Variants in PLEKHM2 observed in about 807,000 individuals in gnomAD.
PLEKHM2 encodes the protein pleckstrin homology and RUN domain containing M2, also known as pleckstrin homology domain-containing family M member 2.
A neutral mutation model predicts 116.3 loss-of-function variants in PLEKHM2; 77 were observed. The ratio of observed to expected loss-of-function variants is 0.66; its 90% CI spans 0.55 to 0.80. The LOEUF (loss-of-function observed/expected upper bound fraction) is 0.80. PLEKHM2 is among the 30% of genes least tolerant of loss of function. The pLI, the probability that PLEKHM2 is intolerant of heterozygous loss-of-function variation, is 0.00. For synonymous variants in PLEKHM2, 562 were observed against 571.0 expected (o/e 0.98, Z 0.22); for missense variants, 1,183 against 1,354.9 (o/e 0.87, Z 1.99).
At position 15,727,536 on chromosome 1, in the gene PLEKHM2, C is replaced by T. The variant is rs1353540879; in HGVS notation, c.1464C>T (p.Gly488=). 1.9e-6 allele frequency: 3 copies of T among 1,575,748 alleles called. No homozygotes were observed. Among genetic ancestry groups the T allele is most frequent in the South Asian group, 1.2e-5 (1 of 86,444 alleles). Residue 488 remains glycine (G), a synonymous_variant, in exon 9 of 20, where the codon GGC becomes GGT. Coordinates refer to ENST00000375799, the MANE Select transcript of PLEKHM2 (RefSeq NM_015164.4). This position sits in a 1 kb window ranked among gnomAD's most constrained non-coding sequence, Gnocchi z 7.5. ...GGGHHDPAGL[G]QPLHVPSSPE... The stretch of plus-strand genomic sequence containing the variant: ...GCCACCATGACCCTGCAGGGCTTGG[C>T]CAACCGCTGCATGTTCCTAGTAGCC...
chr1:15,686,562 C>A (rs1640773099), intron 1 of PLEKHM2, among the ~76,000 whole-genome samples: 1 of 151,504 alleles, frequency 6.6e-6, no homozygotes, highest in South Asian at 2.1e-4. Context: ...CTCACTACAA[C>A]CTCCACCTCC....
chr1:15,700,650 G>C (rs933444238), intron 1 of PLEKHM2, among the ~76,000 whole-genome samples: 2 of 152,124 alleles, frequency 1.3e-5, no homozygotes, highest in Non-Finnish European at 2.9e-5. Context: ...TGAATGGGAG[G>C]CCCCAGGAAA....
intron 1 of PLEKHM2, among the ~76,000 whole-genome samples, chr1:15,693,669 TCTCC>T (rs1195785285): frequency 6.6e-6 from 1 of 152,142 alleles, no homozygotes; most frequent in Non-Finnish European, 1.5e-5. Context: ...GGAGCAGTGG[TCTCC>T]CTCAGAACTC....
rs758411239 is a variant in PLEKHM2, at chr1:15,732,072, C to T, written c.2625+24C>T. Reference sequence around the variant, plus strand: ...GGGTGAGCTTCGCCTGCCCCTACCGCTCACCTGGCTTGCCTGACCCACCCA... The same window carrying T: ...GGGTGAGCTTCGCCTGCCCCTACCGTTCACCTGGCTTGCCTGACCCACCCA... On this transcript the variant is annotated intron_variant, in intron 17 of 19. Transcript: ENST00000375799. The T allele has an allele frequency of 6.2e-6, 10 of 1,602,434 alleles. No individual in the cohort carries two copies. The East Asian group carries it at 2.0e-4, about 32-fold the overall frequency.
In PLEKHM2 at chr1:15,719,841, T is replaced by A. The variant is rs776569619; in HGVS notation, c.573T>A (p.Ser191Arg). ...CCAGCTCGGTCCACGGCTCAGACAG[T>A]CTGTCCCTCAACTCTTTCAACTCCG... ...RLPSSVHGSD[S>R]LSLNSFNSVT... The change falls in exon 6 of 20, where the codon AGT becomes AGA. Residue 191 changes from serine to arginine, a missense_variant. Ser to Arg is a moderately radical substitution (Grantham distance 110). Coordinates refer to ENST00000375799, the MANE Select transcript of PLEKHM2 (RefSeq NM_015164.4). The surrounding 1 kb of genome is among the most constrained non-coding windows in gnomAD (Gnocchi z 4.1). The A allele has an allele frequency of 1.2e-6, 2 of 1,613,886 alleles. No individual in the cohort carries two copies. The highest frequency in any genetic ancestry group is 3.3e-5 in the Admixed American group (2 of 60,002).
chr1:15,718,180 T>A (rs187603649), intron 4 of PLEKHM2, among the ~76,000 whole-genome samples, 188 bp downstream of exon 4: 12 of 152,348 alleles, frequency 7.9e-5, no homozygotes, highest in African/African-American at 2.9e-4. Flanking sequence ...CTGGGTACAG[T>A]CTGGGTCTCT....
In PLEKHM2 at chr1:15,728,394, C is replaced by G. The variant is rs757798884; in HGVS notation, c.1921+37C>G. 1 of 1,559,362 alleles carries G rather than the reference C, an allele frequency of 6.4e-7. No homozygotes were observed. The highest frequency in any genetic ancestry group is 1.7e-5 in the Admixed American group (1 of 58,958). ...CCCCGGGCAGACAGCGGGTTGTAGACGAGGCTGACTCTCAGCCCCTTTTCC... is the reference window on the plus strand; with the variant it reads ...CCCCGGGCAGACAGCGGGTTGTAGAGGAGGCTGACTCTCAGCCCCTTTTCC... On this transcript the variant is annotated intron_variant, in intron 11 of 19. Coordinates refer to ENST00000375799, the MANE Select transcript of PLEKHM2 (RefSeq NM_015164.4). The surrounding 1 kb of genome is among the most constrained non-coding windows in gnomAD (Gnocchi z 5.9).
intron 1 of PLEKHM2, among the ~76,000 whole-genome samples, chr1:15,706,908 C>G (rs1328726116): frequency 6.6e-6 from 1 of 152,138 alleles, no homozygotes; most frequent in Admixed American, 6.6e-5. Context: ...ACGGCTTGAG[C>G]CTTCCCTTCT....
chr1:15,720,837 G>A (rs1022292026), intron 6 of PLEKHM2: 1 of 152,812 alleles, frequency 6.5e-6, no homozygotes, highest in Non-Finnish European at 1.5e-5. Context: ...AGGCGGCACA[G>A]TCTCCTTAGG....
In PLEKHM2 at chr1:15,730,621, A is replaced by G. The variant is rs1557662660; in HGVS notation, c.2298A>G (p.Ser766=). The change falls in exon 15 of 20, where the codon TCA becomes TCG. Residue 766 remains serine, a synonymous_variant. Coordinates refer to ENST00000375799, the MANE Select transcript of PLEKHM2 (RefSeq NM_015164.4). ...ESLGPTPCHC[S]PPEGTITKEG... is the part of the protein sequence containing the mutation. The stretch of plus-strand genomic sequence containing the variant: ...TGGGCCCCACGCCCTGCCACTGCTC[A>G]CCCCCCGAGGGCACCATCACCAAAG... 1.2e-6 allele frequency: 2 copies of G among 1,607,030 alleles called. No homozygotes were observed. The highest frequency in any genetic ancestry group is 1.1e-5 in the South Asian group (1 of 89,570).
chr1:15,691,092 C>T (rs1053680221), intron 1 of PLEKHM2, among the ~76,000 whole-genome samples: 1 of 152,136 alleles, frequency 6.6e-6, no homozygotes, highest in African/African-American at 2.4e-5. Context: ...TTGTTTGAGA[C>T]AGGGTTTCAC....
At chr1:15,730,302 C>T (rs993844257) in intron 14 of PLEKHM2, among the ~76,000 whole-genome samples, 3 of 152,214 alleles carry the variant, frequency 2.0e-5, no homozygotes, top group African/African-American at 4.8e-5. Context: ...TTCAGCCAGG[C>T]GTGGTGATGG....
intron 1 of PLEKHM2, among the ~76,000 whole-genome samples, chr1:15,700,047 C>G (rs1259429392): frequency 6.6e-6 from 1 of 151,778 alleles, no homozygotes; most frequent in Non-Finnish European, 1.5e-5. Flanking sequence ...CATTGCAGTT[C>G]CCTGGGGCTG....
chr1:15,721,250 C>A lies in PLEKHM2; in HGVS notation c.653-79C>A. 1.3e-6 allele frequency: 1 copy of A among 778,400 alleles called. No homozygotes were observed. Among genetic ancestry groups the A allele is most frequent in the South Asian group, 1.5e-5 (1 of 67,524 alleles). 48.2% of individuals were successfully genotyped at this position (778,400 alleles called of 1,614,324 possible). On this transcript the variant is annotated intron_variant, in intron 6 of 19. Transcript: ENST00000375799. This position sits in a 1 kb window ranked among gnomAD's most constrained non-coding sequence, Gnocchi z 5.1. ...CTATTTTCTCCCCATGTCTCCCACC[C>A]CATTTCCCCTCCCCTCCCTCCAGTC...
intron 6 of PLEKHM2, among the ~76,000 whole-genome samples, chr1:15,720,149 T>TA (rs1553160239): frequency 8.4e-6 from 1 of 118,678 alleles, no homozygotes; most frequent in African/African-American, 4.1e-5. Flanking sequence ...TATATATATA[T>TA]AAAATATATA....
At chr1:15,695,312 C>T (rs1359817206) in intron 1 of PLEKHM2, among the ~76,000 whole-genome samples, 3 of 152,166 alleles carry the variant, frequency 2.0e-5, no homozygotes, top group Admixed American at 1.3e-4. Context: ...TCATTGTTCA[C>T]ACTTTTGCTC....
At chr1:15,697,394 C>T (rs372351464) in intron 1 of PLEKHM2, among the ~76,000 whole-genome samples, 29 of 152,328 alleles carry the variant, frequency 1.9e-4, no homozygotes, top group African/African-American at 5.1e-4. Context: ...TCGGTCCCTC[C>T]GTAAGAAGTC....
At chr1:15,705,867 G>A (rs1230543069) in intron 1 of PLEKHM2, among the ~76,000 whole-genome samples, 1 of 152,104 alleles carries the variant, frequency 6.6e-6, no homozygotes, top group Non-Finnish European at 1.5e-5. Context: ...CGAGGTGGGT[G>A]GATTGCTTGA....
At position 15,729,137 on chromosome 1, in the gene PLEKHM2, C is replaced by T. The variant is rs1262362641; in HGVS notation, c.2022C>T (p.Cys674=). Residue 674 remains cysteine (C), a synonymous_variant, in exon 13 of 20, where the codon TGC becomes TGT. Coordinates refer to ENST00000375799, the MANE Select transcript of PLEKHM2 (RefSeq NM_015164.4). The surrounding 1 kb of genome is among the most constrained non-coding windows in gnomAD (Gnocchi z 4.7). Reference sequence around the variant, plus strand: ...ACCAGCAGACGGTGAAGCTGGTGTGCACCAACCGCAGGAAGCAGTTTCTGC... The same window carrying T: ...ACCAGCAGACGGTGAAGCTGGTGTGTACCAACCGCAGGAAGCAGTTTCTGC... The part of the protein sequence containing the change: ...GLDQQTVKLV[C]TNRRKQFLLD... 2 of 1,611,848 alleles carry T rather than the reference C, an allele frequency of 1.2e-6. No homozygotes were observed. The highest frequency in any genetic ancestry group is 1.7e-6 in the Non-Finnish European group (2 of 1,179,126).
Sources: allele counts gnomAD v4.1 joint callset (sites outside exome capture counted in the v4.1 genomes callset), GRCh38; gene constraint gnomAD v4.1.1; non-coding constraint Gnocchi (gnomAD v3.1); transcripts MANE v1.5; gene names NCBI Gene and HGNC (gene_info 2026-07-23, HGNC 2026-07-21).